FHIT: variants seen among roughly 807,000 people sequenced by gnomAD.
FHIT encodes the protein fragile histidine triad diadenosine triphosphatase.
A neutral mutation model predicts 17.9 loss-of-function variants in FHIT; 19 were observed. The observed-to-expected ratio is 1.06, with a 90% CI of 0.74 to 1.56. FHIT has a LOEUF of 1.56. Ranked by LOEUF, FHIT falls within the 40% of genes most tolerant of loss-of-function variation. FHIT has a pLI of 0.00. For synonymous variants in FHIT, 81 were observed against 69.7 expected (o/e 1.16, Z -0.81); for missense variants, 248 against 189.2 (o/e 1.31, Z -1.82).
chr3:60,479,797 C>A (rs371981654), intron 5 of FHIT, among the ~76,000 whole-genome samples: 100 of 152,288 alleles, frequency 6.6e-4, no homozygotes, highest in African/African-American at 2.2e-3. Context: ...TTATGAGAAT[C>A]TAACTAATGC....
intron 4 of FHIT, among the ~76,000 whole-genome samples, chr3:60,687,479 T>G (rs2040884933): frequency 6.6e-6 from 1 of 152,146 alleles, no homozygotes; most frequent in African/African-American, 2.4e-5. Flanking sequence ...ATTTTTGCAT[T>G]TAAACTTTTG....
At chr3:61,127,718 A>AT (rs148054907) in intron 2 of FHIT, among the ~76,000 whole-genome samples, 16 of 151,222 alleles carry the variant, frequency 1.1e-4, no homozygotes, top group South Asian at 6.3e-4. Context: ...TACAAAAAAT[A>AT]TTTTTTTTTG....
intron 9 of FHIT, 196 bp downstream of exon 9, chr3:59,752,025 G>C (rs1700935913): frequency 2.2e-6 from 1 of 461,404 alleles, no homozygotes; most frequent in African/African-American, 2.0e-5. Context: ...GAAGAGGCAG[G>C]AGAGTTGGAA....
chr3:60,970,738 C>T (rs561260609), intron 3 of FHIT, among the ~76,000 whole-genome samples: 1 of 152,208 alleles, frequency 6.6e-6, no homozygotes, highest in African/African-American at 2.4e-5. Context: ...TTAATCCACT[C>T]TCATTCTACC....
At chr3:60,733,088 A>G (rs2107992397) in intron 4 of FHIT, among the ~76,000 whole-genome samples, 1 of 152,304 alleles carries the variant, frequency 6.6e-6, no homozygotes, top group South Asian at 2.1e-4. Context: ...ACTTTGCTGG[A>G]CAAGTTTTTA....
intron 5 of FHIT, among the ~76,000 whole-genome samples, chr3:60,466,310 A>C (rs1462603386): frequency 6.6e-6 from 1 of 152,046 alleles, no homozygotes; most frequent in African/African-American, 2.4e-5. Flanking sequence ...TTCCAAATAT[A>C]AGATCGTATC....
At chr3:59,990,133 T>G (rs370822520) in intron 7 of FHIT, among the ~76,000 whole-genome samples, 1 of 152,106 alleles carries the variant, frequency 6.6e-6, no homozygotes, top group African/African-American at 2.4e-5. Flanking sequence ...CCATGGATGA[T>G]TGTAATTTCC....
At chr3:59,950,948 C>G (rs1707085695) in intron 7 of FHIT, among the ~76,000 whole-genome samples, 1 of 152,156 alleles carries the variant, frequency 6.6e-6, no homozygotes, top group Non-Finnish European at 1.5e-5. Context: ...CTGAGATTCA[C>G]TGTTTTGGCC....
intron 2 of FHIT, among the ~76,000 whole-genome samples, chr3:61,106,723 G>A (rs1025341730): frequency 6.6e-6 from 1 of 152,002 alleles, no homozygotes; most frequent in African/African-American, 2.4e-5. Context: ...GTGAAGTGGC[G>A]CATGTCAGCT....
chr3:60,301,880 CA>C (rs1299546432), intron 5 of FHIT, among the ~76,000 whole-genome samples: 1 of 152,082 alleles, frequency 6.6e-6, no homozygotes, highest in African/African-American at 2.4e-5. Context: ...TACATTTCCT[CA>C]GAAATTTTAA....
intron 3 of FHIT, among the ~76,000 whole-genome samples, chr3:60,865,191 T>C (rs1704103057): frequency 6.6e-6 from 1 of 152,190 alleles, no homozygotes; most frequent in African/African-American, 2.4e-5. Context: ...CCCATTTCTG[T>C]CTGACGTTGA....
chr3:61,223,401 CAT>C (rs2039889975), intron 1 of FHIT, among the ~76,000 whole-genome samples: 1 of 152,194 alleles, frequency 6.6e-6, no homozygotes, highest in Non-Finnish European at 1.5e-5. Flanking sequence ...ATACCACCCT[CAT>C]GTCCCCCAGC....
intron 3 of FHIT, among the ~76,000 whole-genome samples, chr3:60,957,823 T>C (rs1426199779): frequency 1.3e-5 from 2 of 152,230 alleles, no homozygotes; most frequent in Non-Finnish European, 2.9e-5. Context: ...ATATTGTATA[T>C]GCACAACTGT....
chr3:60,507,544 G>A (rs1276635353), intron 5 of FHIT, among the ~76,000 whole-genome samples: 3 of 152,082 alleles, frequency 2.0e-5, no homozygotes, highest in Non-Finnish European at 4.4e-5. Context: ...TTAAGCTCAG[G>A]GGTACGAGGG....
chr3:59,887,427 C>G (rs17061342), intron 8 of FHIT, among the ~76,000 whole-genome samples: 1,605 of 152,180 alleles, frequency 0.011, 24 homozygotes, highest in Admixed American at 0.029. Flanking sequence ...TTTAAGCGCA[C>G]AGGTAATGAG....
intron 4 of FHIT, among the ~76,000 whole-genome samples, chr3:60,663,168 A>ATATATATAT (rs1553691642): frequency 2.9e-5 from 4 of 139,462 alleles, no homozygotes; most frequent in African/African-American, 8.1e-5. Context: ...ATATCTCTTT[A>ATATATATAT]ATGTTGGGTT....
chr3:60,732,581 C>T (rs540714912), intron 4 of FHIT: 133 of 580,422 alleles, frequency 2.3e-4, no homozygotes, highest in Non-Finnish European at 2.3e-4. Context: ...GAAGGAGACG[C>T]GGCCCAAGGG....
intron 5 of FHIT, among the ~76,000 whole-genome samples, chr3:60,392,730 G>T (rs1473587313): frequency 6.6e-6 from 1 of 152,110 alleles, no homozygotes; most frequent in Non-Finnish European, 1.5e-5. Flanking sequence ...GGTTTTACCC[G>T]CATGATCCTG....
intron 5 of FHIT, chr3:60,535,788 G>A (rs911953189): frequency 1.4e-5 from 2 of 147,534 alleles, no homozygotes; most frequent in Admixed American, 1.4e-4. Context: ...TTATCTTTTG[G>A]TACATGTTTT....
Sources: gnomAD v4.1 joint callset for allele counts (sites outside exome capture counted in the v4.1 genomes callset) on GRCh38, gnomAD v4.1.1 for gene constraint, MANE v1.5 for transcripts, NCBI Gene and HGNC (gene_info 2026-07-23, HGNC 2026-07-21) for gene names.